IPCEF1: variants seen among roughly 807,000 people sequenced by gnomAD.
The protein encoded by IPCEF1 is interactor protein for cytohesin exchange factors 1.
IPCEF1 carries 31 observed loss-of-function variants against 50.9 expected under a neutral mutation model. The ratio of observed to expected loss-of-function variants is 0.61; its 90% CI spans 0.46 to 0.82. The LOEUF is 0.82. Ranked by LOEUF, IPCEF1 falls within the 40% of genes least tolerant of loss-of-function variation. The pLI is 0.00. For synonymous variants in IPCEF1, 181 were observed against 192.0 expected (o/e 0.94, Z 0.47); for missense variants, 458 against 514.0 (o/e 0.89, Z 1.05).
At chr6:154,198,105 A>C (rs1329982487) in intron 10 of IPCEF1, among the ~76,000 whole-genome samples, 1 of 152,174 alleles carries the variant, frequency 6.6e-6, no homozygotes, top group African/African-American at 2.4e-5. Context: ...GAATGAGTAA[A>C]GACCTCCAGT....
At chr6:154,314,983 C>T (rs1383826064) in intron 1 of IPCEF1, among the ~76,000 whole-genome samples, 6 of 151,582 alleles carry the variant, frequency 4.0e-5, no homozygotes, top group African/African-American at 1.2e-4. Context: ...CAGGTTCAAG[C>T]GATTCTCCTG....
chr6:154,231,997 T>C (rs1779760975), intron 5 of IPCEF1, among the ~76,000 whole-genome samples: 1 of 152,236 alleles, frequency 6.6e-6, no homozygotes, highest in African/African-American at 2.4e-5. Flanking sequence ...ATAGGCTAAG[T>C]AAGGACTCTT....
intron 1 of IPCEF1, among the ~76,000 whole-genome samples, chr6:154,354,987 G>T (rs1457965917): frequency 1.4e-5 from 2 of 145,456 alleles, no homozygotes; most frequent in Non-Finnish European, 3.0e-5. Flanking sequence ...TATTTTTTAG[G>T]ATTTTTCTTC....
chr6:154,265,465 C>T (rs914305356), intron 3 of IPCEF1, among the ~76,000 whole-genome samples: 29 of 151,250 alleles, frequency 1.9e-4, no homozygotes, highest in African/African-American at 6.8e-4. Flanking sequence ...ATTTTTAGTA[C>T]AGACAGAGTT....
rs140096033 is a variant in IPCEF1 at position 154,191,672 on chromosome 6, TCAACAACAACAACAACAACAA to T, written c.910+7975_910+7995del. ...CTGGGTGACAGAGTGAGACTTTGCC[TCAACAACAACAACAACAACAA>T]CAACAACAACAACAACAAAGAGTGA... On this transcript the variant is annotated intron_variant, in intron 10 of 11. Coordinates refer to ENST00000367220, the MANE Select transcript of IPCEF1 (RefSeq NM_001130700.2). Among the ~76,000 whole-genome samples the T allele has an allele frequency of 2.3e-3, 339 of 149,686 alleles. 2 individuals carry two copies. Among genetic ancestry groups the T allele is most frequent in the African/African-American group, 8.1e-3 (329 of 40,464 alleles).
At chr6:154,239,860 G>C (rs1275598988) in intron 5 of IPCEF1, among the ~76,000 whole-genome samples, 1 of 152,032 alleles carries the variant, frequency 6.6e-6, no homozygotes, top group East Asian at 1.9e-4. Flanking sequence ...TATCCACCAC[G>C]CTTGGCTAAT....
At chr6:154,276,411 G>A (rs1782064436) in intron 2 of IPCEF1, among the ~76,000 whole-genome samples, 1 of 152,196 alleles carries the variant, frequency 6.6e-6, no homozygotes, top group Non-Finnish European at 1.5e-5. Flanking sequence ...ACCATAAGGA[G>A]ATAAACTACT....
At chr6:154,162,398 C>T (rs1320401743) in intron 11 of IPCEF1, among the ~76,000 whole-genome samples, 1 of 152,226 alleles carries the variant, frequency 6.6e-6, no homozygotes, top group Non-Finnish European at 1.5e-5. Context: ...TTGGCCCCCA[C>T]CATTCACCAA....
chr6:154,213,764 C>G (rs1778154109), intron 8 of IPCEF1, among the ~76,000 whole-genome samples: 1 of 152,120 alleles, frequency 6.6e-6, no homozygotes, highest in African/African-American at 2.4e-5. Flanking sequence ...AAAAATATGG[C>G]CTGTGTCCCA....
At chr6:154,258,085 C>T (rs1166175253) in intron 3 of IPCEF1, among the ~76,000 whole-genome samples, 2 of 152,166 alleles carry the variant, frequency 1.3e-5, no homozygotes, top group Admixed American at 1.3e-4. Flanking sequence ...CCATTCTTCT[C>T]CTGGTTAATG....
chr6:154,243,558 G>A (rs182711774), intron 5 of IPCEF1, among the ~76,000 whole-genome samples: 214 of 152,328 alleles, frequency 1.4e-3, no homozygotes, highest in Middle Eastern at 3.4e-3. Context: ...GGCAATGACG[G>A]AGAGAGAAAA....
intron 1 of IPCEF1, among the ~76,000 whole-genome samples, chr6:154,308,143 T>C (rs1422554952): frequency 6.6e-6 from 1 of 152,204 alleles, no homozygotes; most frequent in East Asian, 1.9e-4. Context: ...TTTACTTATG[T>C]CCTTTCTGTG....
At chr6:154,271,195 CAAA>C (rs141674700) in intron 2 of IPCEF1, among the ~76,000 whole-genome samples, 1 of 137,530 alleles carries the variant, frequency 7.3e-6, no homozygotes, top group African/African-American at 2.6e-5. Context: ...CCCATCTCTA[CAAA>C]AAAAAAATAA....
chr6:154,264,352 T>C (rs1187287306), intron 3 of IPCEF1, among the ~76,000 whole-genome samples: 2 of 152,030 alleles, frequency 1.3e-5, no homozygotes, highest in Non-Finnish European at 2.9e-5. Context: ...TGGTGTGAGG[T>C]AAAGGTCCAG....
rs559968130 is a variant in IPCEF1 at position 154,264,224 on chromosome 6, T to C, written c.36+1688A>G. Among the ~76,000 whole-genome samples, 8 of 151,288 alleles carry C rather than the reference T, an allele frequency of 5.3e-5. No homozygotes were observed. In the East Asian group the frequency reaches 1.5e-3, roughly 29 times the overall value. ...GCTTTACATGGCAAATATCCTACAATGCATGACTTCTTTTTTTTTAAAGAA... is the reference window on the plus strand; with the variant it reads ...GCTTTACATGGCAAATATCCTACAACGCATGACTTCTTTTTTTTTAAAGAA... On this transcript the variant is annotated intron_variant, in intron 3 of 11. Transcript: ENST00000367220.
intron 1 of IPCEF1, among the ~76,000 whole-genome samples, chr6:154,345,497 A>T (rs1784010510): frequency 6.6e-6 from 1 of 152,242 alleles, no homozygotes; most frequent in Non-Finnish European, 1.5e-5. Flanking sequence ...GCAAAAAAAT[A>T]CAAGCCAATT....
At chr6:154,206,256 T>C (rs1371124706) in intron 9 of IPCEF1, among the ~76,000 whole-genome samples, 1 of 152,246 alleles carries the variant, frequency 6.6e-6, no homozygotes, top group Non-Finnish European at 1.5e-5. Flanking sequence ...GGCTTCCTCA[T>C]TTGTAAAACT....
At chr6:154,188,005 T>A (rs1583745718) in intron 10 of IPCEF1, among the ~76,000 whole-genome samples, 2 of 152,200 alleles carry the variant, frequency 1.3e-5, no homozygotes, top group African/African-American at 4.8e-5. Flanking sequence ...CTATCAGCAT[T>A]GTACTTTGGG....
In IPCEF1 at chr6:154,214,201, T is replaced by C. The variant is rs1385930997; in HGVS notation, c.451+17A>G. On this transcript the variant is annotated intron_variant, in intron 8 of 11. Transcript: ENST00000367220. The stretch of plus-strand genomic sequence containing the variant: ...AATATTCTTGCTAAATTTTCAGAAA[T>C]TTAAAATAGAACATACCTTCATCCT... 2 of 1,564,874 alleles carry C rather than the reference T, an allele frequency of 1.3e-6. No individual in the cohort carries two copies. Among genetic ancestry groups the C allele is most frequent in the Non-Finnish European group, 1.8e-6 (2 of 1,135,206 alleles).
Sources: gnomAD v4.1 joint callset for allele counts (sites outside exome capture counted in the v4.1 genomes callset) on GRCh38, gnomAD v4.1.1 for gene constraint, MANE v1.5 for transcripts, NCBI Gene and HGNC (gene_info 2026-07-23, HGNC 2026-07-21) for gene names.